Variants in CCDC73 observed in about 807,000 individuals in gnomAD.
The protein encoded by CCDC73 is coiled-coil domain-containing protein 73.
A neutral mutation model predicts 116.5 loss-of-function variants in CCDC73; 95 were observed. That is an observed-to-expected ratio of 0.82 (90% CI 0.69 to 0.97). The LOEUF (loss-of-function observed/expected upper bound fraction) is 0.97, where lower values mean the gene tolerates loss of function less well. Among genes scored for constraint, CCDC73 ranks in the 50% least tolerant of loss-of-function variants. CCDC73 has a pLI of 0.00. For synonymous variants in CCDC73, 398 were observed against 401.3 expected, an observed-to-expected ratio of 0.99 and a Z score of 0.10; for missense variants, 1,066 against 1,206.8, an observed-to-expected ratio of 0.88 and a Z score of 1.73.
the CCDC73 span, among the ~76,000 whole-genome samples, chr11:32,821,885 G>A: frequency 6.6e-6 from 1 of 152,162 alleles, no homozygotes; most frequent in Non-Finnish European, 1.5e-5. Context: ...GAAATGATGG[G>A]CTAGTTAACA....
intron 9 of CCDC73, among the ~76,000 whole-genome samples, chr11:32,656,741 A>G (rs1855877326): frequency 6.6e-6 from 1 of 152,216 alleles, no homozygotes; most frequent in Non-Finnish European, 1.5e-5. Context: ...CAAGTCCGAG[A>G]TAACCAATGC....
At chr11:32,711,072 A>AAATCAAAACCAC (rs1849896384) in intron 3 of CCDC73, among the ~76,000 whole-genome samples, 1 of 152,208 alleles carries the variant, frequency 6.6e-6, no homozygotes, top group African/African-American at 2.4e-5. Context: ...AGGGAAATGC[A>AAATCAAAACCAC]AATCAAAACC....
In CCDC73 at chr11:32,698,010, A is replaced by ATTT. The variant is rs1849771437; in HGVS notation, c.390+1240_390+1241insAAA. Among the ~76,000 whole-genome samples, 13 of 117,742 alleles carry ATTT rather than the reference A, an allele frequency of 1.1e-4. 3 individuals are homozygous for ATTT. The highest frequency in any genetic ancestry group is 2.3e-4 in the African/African-American group (7 of 29,960). The allele number at this position is 117,742 out of a possible 152,430, so 77.2% of individuals were successfully genotyped here. On this transcript the variant is annotated intron_variant, in intron 6 of 17. Transcript: ENST00000335185. ...TCTGTTGTTTCTTTGTCTAACACTG[A>ATTT]ATTTTTTTTTTTTTTTTTTTTTTTT... is the stretch of plus-strand genomic sequence containing the variant.
intron 9 of CCDC73, among the ~76,000 whole-genome samples, chr11:32,656,228 C>T (rs1372036581): frequency 6.6e-6 from 1 of 152,088 alleles, no homozygotes; most frequent in East Asian, 1.9e-4. Flanking sequence ...CAGGCGCCCA[C>T]CACCACGCCC....
chr11:32,656,525 G>A (rs1855875383), intron 9 of CCDC73, among the ~76,000 whole-genome samples: 1 of 152,152 alleles, frequency 6.6e-6, no homozygotes, highest in South Asian at 2.1e-4. Context: ...AAGGACTACT[G>A]CAAATCCATC....
At position 32,742,649 on chromosome 11, in the gene CCDC73, C is replaced by A. The variant is rs531294547; in HGVS notation, c.135+17460G>T. ...ATACTTTCTTTGCTGTGCAGAAGTT[C>A]TTTAGTTTAATTAGATCCCATTTGT... On this transcript the variant is annotated intron_variant, in intron 2 of 17. Coordinates refer to ENST00000335185, the MANE Select transcript of CCDC73 (RefSeq NM_001008391.4). 4.6e-5 allele frequency among the ~76,000 whole-genome samples: 7 copies of A among 152,278 alleles called. No individual in the cohort carries two copies. In the South Asian group the frequency reaches 1.4e-3, roughly 32 times the overall value.
chr11:32,614,627 T>G lies in CCDC73; in HGVS notation c.1691A>C (p.Asp564Ala). ...GTTATTTTCAACCTCCAGATTTACA[T>G]CTGTATGGTGAACATCTAATCCTCT... is the stretch of plus-strand genomic sequence containing the variant. ...RTRGLDVHHT[D>A]VNLEVENNKT... The change falls in exon 16 of 18, where the codon GAT becomes GCT. Residue 564 changes from aspartate (D) to alanine (A), a missense_variant. Physicochemically the swap from Asp to Ala is moderately radical, Grantham distance 126. Coordinates refer to ENST00000335185, the MANE Select transcript of CCDC73 (RefSeq NM_001008391.4). The G allele has an allele frequency of 6.2e-7, 1 of 1,612,938 alleles. No individual in the cohort carries two copies. The highest frequency in any genetic ancestry group is 1.1e-5 in the South Asian group (1 of 91,046).
At chr11:32,687,954 C>T (rs1193455055) in intron 6 of CCDC73, among the ~76,000 whole-genome samples, 2 of 151,952 alleles carry the variant, frequency 1.3e-5, no homozygotes, top group Non-Finnish European at 1.5e-5. Flanking sequence ...GAATGGACTC[C>T]CACTGGCCAA....
chr11:32,675,950 A>G lies in CCDC73; in HGVS notation c.501T>C (p.Tyr167=), dbSNP rs894032106. 1.1e-5 allele frequency: 18 copies of G among 1,609,270 alleles called. No homozygotes were observed. Among genetic ancestry groups the G allele is most frequent in the Non-Finnish European group, 1.4e-5 (17 of 1,178,206 alleles). ...CAAATTGACCTGTTATTGTGGCATA[A>G]TATTTCTCAATTTCACTCAGTTGCT... is the stretch of plus-strand genomic sequence containing the variant. The part of the protein sequence containing the change: ...YHKQLSEIEK[Y]YATITGQFGL... The change falls in exon 8 of 18, where the codon TAT becomes TAC. Residue 167 remains tyrosine, a synonymous_variant. Coordinates refer to ENST00000335185, the MANE Select transcript of CCDC73 (RefSeq NM_001008391.4).
At chr11:32,687,885 A>G (rs2133300340) in intron 6 of CCDC73, among the ~76,000 whole-genome samples, 1 of 152,282 alleles carries the variant, frequency 6.6e-6, no homozygotes, top group Non-Finnish European at 1.5e-5. Context: ...TTTATCTGAA[A>G]GCAGAAAAAT....
At chr11:32,752,024 G>A (rs934443631) in intron 2 of CCDC73, among the ~76,000 whole-genome samples, 2 of 152,250 alleles carry the variant, frequency 1.3e-5, no homozygotes, top group South Asian at 4.1e-4. Context: ...AGTGACTTCC[G>A]CTCACACTCC....
At chr11:32,607,193 C>A (rs1228781723) in intron 17 of CCDC73, among the ~76,000 whole-genome samples, 10 of 144,432 alleles carry the variant, frequency 6.9e-5, no homozygotes, top group African/African-American at 2.6e-4. Context: ...CCCGGGTTCA[C>A]GCCATTCTCC....
chr11:32,671,626 C>G (rs960242442), intron 9 of CCDC73, among the ~76,000 whole-genome samples: 2 of 152,082 alleles, frequency 1.3e-5, no homozygotes, highest in Admixed American at 1.3e-4. Flanking sequence ...ACATAAGACA[C>G]ATAAAATTTA....
At chr11:32,656,893 G>A (rs1855879084) in intron 9 of CCDC73, among the ~76,000 whole-genome samples, 1 of 152,118 alleles carries the variant, frequency 6.6e-6, no homozygotes, top group East Asian at 1.9e-4. Flanking sequence ...AGAGTGGCAA[G>A]ATTATAGGAA....
intron 2 of CCDC73, among the ~76,000 whole-genome samples, chr11:32,738,871 T>C (rs1298972078): frequency 6.6e-6 from 1 of 152,174 alleles, no homozygotes; most frequent in East Asian, 1.9e-4. Flanking sequence ...TGGTTTTGTT[T>C]TTGTATACGG....
chr11:32,624,764 G>C (rs1401534128), intron 14 of CCDC73, among the ~76,000 whole-genome samples: 1 of 152,140 alleles, frequency 6.6e-6, no homozygotes, highest in Non-Finnish European at 1.5e-5. Flanking sequence ...GCAAAGACTT[G>C]GAACAAACCC....
intron 14 of CCDC73, 150 bp from the exon 15 acceptor site, chr11:32,616,279 T>C (rs1412729132): frequency 4.0e-6 from 3 of 755,494 alleles, no homozygotes; most frequent in Non-Finnish European, 6.0e-6. Flanking sequence ...AAGTTTAATA[T>C]ACCATACTCT....
chr11:32,706,326 T>G (rs1849854961), intron 3 of CCDC73, among the ~76,000 whole-genome samples: 1 of 152,188 alleles, frequency 6.6e-6, no homozygotes, highest in Admixed American at 6.5e-5. Flanking sequence ...CCAGGGAATT[T>G]AATATGTAAC....
chr11:32,675,062 TAA>T (rs977811725), intron 9 of CCDC73, among the ~76,000 whole-genome samples: 12 of 152,300 alleles, frequency 7.9e-5, no homozygotes, highest in East Asian at 1.9e-4. Flanking sequence ...CCCAATCTAA[TAA>T]AGTCACCTGT....
Sources: allele counts gnomAD v4.1 joint callset (sites outside exome capture counted in the v4.1 genomes callset), GRCh38; gene constraint gnomAD v4.1.1; transcripts MANE v1.5; gene names NCBI Gene and HGNC (gene_info 2026-07-23, HGNC 2026-07-21).